Variants in CFAP210 observed in about 807,000 individuals in gnomAD.
The protein encoded by CFAP210 is cilia- and flagella- associated protein 210.
the CFAP210 span, chr2:169,662,158 T>C: frequency 1.0e-6 from 1 of 959,344 alleles, no homozygotes. Context: ...CATTACATAA[T>C]GTATGCATGG....
the CFAP210 span, chr2:169,650,182 C>T: frequency 1.2e-6 from 1 of 810,596 alleles, no homozygotes; most frequent in Non-Finnish European, 1.7e-6. Context: ...AAACATTGTC[C>T]AATTTCAAAA....
At chr2:169,689,293 A>G in the CFAP210 span, among the ~76,000 whole-genome samples, 1 of 152,164 alleles carries the variant, frequency 6.6e-6, no homozygotes, top group Non-Finnish European at 1.5e-5. Flanking sequence ...AATTTTTTCA[A>G]TAATGTTTTG....
At chr2:169,686,320 T>G in the CFAP210 span, among the ~76,000 whole-genome samples, 98 of 152,366 alleles carry the variant, frequency 6.4e-4, no homozygotes, top group Admixed American at 2.0e-3. Flanking sequence ...AAGATCAGCT[T>G]GTCAATATCA....
chr2:169,665,333 T>G, the CFAP210 span, among the ~76,000 whole-genome samples: 1 of 152,224 alleles, frequency 6.6e-6, no homozygotes, highest in African/African-American at 2.4e-5. Context: ...TCATCCAGGC[T>G]GGAGTGTAGT....
At chr2:169,674,578 T>C in the CFAP210 span, 2 of 1,597,138 alleles carry the variant, frequency 1.3e-6, no homozygotes, top group East Asian at 4.5e-5. Context: ...ATACATACTG[T>C]TTTAGATGAT....
chr2:169,683,679 GC>G, the CFAP210 span, among the ~76,000 whole-genome samples: 29 of 152,324 alleles, frequency 1.9e-4, no homozygotes, highest in African/African-American at 7.0e-4. Context: ...GGCAGCGGTG[GC>G]AGGAGAGCAG....
At chr2:169,681,662 C>T in the CFAP210 span, among the ~76,000 whole-genome samples, 5 of 152,182 alleles carry the variant, frequency 3.3e-5, no homozygotes, top group Admixed American at 1.3e-4. Flanking sequence ...TCAACCTCTT[C>T]CCACTGAGCA....
chr2:169,691,528 C>T, the CFAP210 span, among the ~76,000 whole-genome samples: 1 of 152,144 alleles, frequency 6.6e-6, no homozygotes, highest in Admixed American at 6.5e-5. Context: ...CCCGCCACTT[C>T]CACTCCCCCT....
At chr2:169,690,899 T>A in the CFAP210 span, among the ~76,000 whole-genome samples, 1 of 152,216 alleles carries the variant, frequency 6.6e-6, no homozygotes, top group East Asian at 1.9e-4. Context: ...GAGTTTACCA[T>A]ACTTAGAGGA....
At chr2:169,688,091 T>C in the CFAP210 span, among the ~76,000 whole-genome samples, 9 of 152,184 alleles carry the variant, frequency 5.9e-5, no homozygotes, top group Non-Finnish European at 8.8e-5. Context: ...ACCAAGTCTA[T>C]AGGCTGCACA....
chr2:169,681,724 GT>G, the CFAP210 span, among the ~76,000 whole-genome samples: 1 of 152,180 alleles, frequency 6.6e-6, no homozygotes, highest in African/African-American at 2.4e-5. Flanking sequence ...GGCCTAATTG[GT>G]TTAAGAACAC....
At chr2:169,665,915 C>T in the CFAP210 span, among the ~76,000 whole-genome samples, 4 of 152,178 alleles carry the variant, frequency 2.6e-5, no homozygotes, top group African/African-American at 7.2e-5. Context: ...TAGGACTCCA[C>T]AGGGGACTCA....
the CFAP210 span, among the ~76,000 whole-genome samples, chr2:169,647,660 T>C: frequency 1.3e-5 from 2 of 152,208 alleles, no homozygotes; most frequent in Non-Finnish European, 2.9e-5. Flanking sequence ...CAAATACTGA[T>C]CTTATTTGAT....
chr2:169,686,192 G>C, the CFAP210 span, among the ~76,000 whole-genome samples: 1 of 152,142 alleles, frequency 6.6e-6, no homozygotes, highest in Non-Finnish European at 1.5e-5. Flanking sequence ...GCCAATGAGT[G>C]TAGCTTTGTA....
chr2:169,669,199 C>T, the CFAP210 span, among the ~76,000 whole-genome samples: 1 of 151,978 alleles, frequency 6.6e-6, no homozygotes, highest in Non-Finnish European at 1.5e-5. Context: ...AAATTCCAGA[C>T]CATAGAGAAA....
the CFAP210 span, among the ~76,000 whole-genome samples, chr2:169,657,068 C>A: frequency 6.6e-6 from 1 of 151,244 alleles, no homozygotes; most frequent in African/African-American, 2.4e-5. Context: ...TTACCAGACA[C>A]CCCTGCACTT....
the CFAP210 span, among the ~76,000 whole-genome samples, chr2:169,669,225 G>C: frequency 2.0e-5 from 3 of 152,170 alleles, no homozygotes; most frequent in African/African-American, 7.2e-5. Flanking sequence ...AGGCAAGCAA[G>C]AGCTTGGTAG....
chr2:169,648,190 AGTGAAAACCAAAC>A, the CFAP210 span: 1 of 212,582 alleles, frequency 4.7e-6, no homozygotes, highest in Non-Finnish European at 9.4e-6. Flanking sequence ...AAAAAAAAAA[AGTGAAAACCAAAC>A]AGAAAAGGAC....
At chr2:169,646,325 C>A in the CFAP210 span, 4 of 632,934 alleles carry the variant, frequency 6.3e-6, no homozygotes, top group East Asian at 8.1e-5. Flanking sequence ...TATATACTAT[C>A]ATTTATTTCA....
Sources: allele counts gnomAD v4.1 joint callset (sites outside exome capture counted in the v4.1 genomes callset), GRCh38; gene constraint gnomAD v4.1.1; transcripts MANE v1.5; gene names NCBI Gene and HGNC (gene_info 2026-07-23, HGNC 2026-07-21).